DNAJC6: variants seen among roughly 807,000 people sequenced by gnomAD.
DNAJC6 encodes DnaJ heat shock protein family (Hsp40) member C6.
A neutral mutation model predicts 110.0 loss-of-function variants in DNAJC6; 34 were observed. That is an observed-to-expected ratio of 0.31 (90% CI 0.24 to 0.41). DNAJC6 has a LOEUF of 0.41. DNAJC6 is among the 10% of genes least tolerant of loss of function. The pLI is 1.00. For missense variants in DNAJC6, 1,031 were observed against 1,207.8 expected (o/e 0.85, Z 2.17); for synonymous variants, 406 against 437.2 (o/e 0.93, Z 0.89).
At position 65,288,690 on chromosome 1, in the gene DNAJC6, A is replaced by G. The variant is rs540104002; in HGVS notation, c.-131+23758A>G. On this transcript the variant is annotated intron_variant, in intron 1 of 19. Transcript: ENST00000263441. ...AGTTCCTGACAACCCTCCAACCTCTACTAAGAATAACTAATGACCCAATGT... is the reference window on the plus strand; with the variant it reads ...AGTTCCTGACAACCCTCCAACCTCTGCTAAGAATAACTAATGACCCAATGT... Among the ~76,000 whole-genome samples the G allele has an allele frequency of 3.1e-3, 474 of 152,288 alleles. 2 individuals are homozygous for G. Among genetic ancestry groups the G allele is most frequent in the Middle Eastern group, 0.017 (5 of 294 alleles).
rs556329931 is a variant in DNAJC6, at chr1:65,340,438, A to G, written c.194-24197A>G. On this transcript the variant is annotated intron_variant, in intron 1 of 18. Coordinates refer to ENST00000371069, the MANE Select transcript of DNAJC6 (RefSeq NM_001256864.2). ...GGCCCTTCCATAGCTATAGCCATCT[A>G]TGTGCTATTGGCGATTGCACTGAGA... Among the ~76,000 whole-genome samples, 5 of 152,280 alleles carry G rather than the reference A, an allele frequency of 3.3e-5. No individual in the cohort carries two copies. The South Asian group carries it at 1.0e-3, about 32-fold the overall frequency.
chr1:65,369,789 G>A (rs1645688147), intron 4 of DNAJC6, among the ~76,000 whole-genome samples: 1 of 152,142 alleles, frequency 6.6e-6, no homozygotes, highest in East Asian at 1.9e-4. Context: ...TTGTCATTCT[G>A]TATTTCGATT....
intron 1 of DNAJC6, among the ~76,000 whole-genome samples, chr1:65,327,498 A>G (rs532006109): frequency 5.9e-5 from 9 of 152,272 alleles, no homozygotes; most frequent in African/African-American, 9.6e-5. Context: ...TCTGTTTTAA[A>G]TAGAGAACTT....
chr1:65,341,303 T>TA (rs1289857065), intron 1 of DNAJC6, among the ~76,000 whole-genome samples: 1 of 152,182 alleles, frequency 6.6e-6, no homozygotes, highest in Non-Finnish European at 1.5e-5. Context: ...CACCTATTCT[T>TA]ACCATTCTGT....
At chr1:65,302,154 TTTA>T (rs1247903152) in intron 1 of DNAJC6, among the ~76,000 whole-genome samples, 1 of 142,336 alleles carries the variant, frequency 7.0e-6, no homozygotes, top group Non-Finnish European at 1.5e-5. Flanking sequence ...ATTATATATA[TTTA>T]TTATATATTA....
intron 1 of DNAJC6, among the ~76,000 whole-genome samples, chr1:65,272,762 A>T (rs1470982974): frequency 1.3e-5 from 2 of 151,152 alleles, no homozygotes; most frequent in Non-Finnish European, 3.0e-5. Flanking sequence ...CTGATCTTGA[A>T]CTCCTGACCT....
chr1:65,282,879 C>A (rs953490149), intron 1 of DNAJC6, among the ~76,000 whole-genome samples: 2 of 152,166 alleles, frequency 1.3e-5, no homozygotes, highest in Admixed American at 1.3e-4. Context: ...CACAATTATA[C>A]CTCCAGTGTT....
At chr1:65,317,382 A>G (rs1645157918) in intron 1 of DNAJC6, among the ~76,000 whole-genome samples, 1 of 152,228 alleles carries the variant, frequency 6.6e-6, no homozygotes, top group South Asian at 2.1e-4. Context: ...AAGTTCCATA[A>G]CATGTGCCAA....
At chr1:65,411,986 A>T (rs1297076389) in intron 18 of DNAJC6, among the ~76,000 whole-genome samples, 2 of 152,184 alleles carry the variant, frequency 1.3e-5, no homozygotes, top group Non-Finnish European at 2.9e-5. Flanking sequence ...AAAGAAAAGA[A>T]AAAGTAAATT....
chr1:65,378,941 A>G (rs1316048632), intron 4 of DNAJC6, among the ~76,000 whole-genome samples: 1 of 150,744 alleles, frequency 6.6e-6, no homozygotes. Context: ...ATTAAAAGAG[A>G]AAAAAAATAG....
intron 4 of DNAJC6, among the ~76,000 whole-genome samples, chr1:65,377,649 T>C (rs939154198): frequency 6.6e-6 from 1 of 152,066 alleles, no homozygotes; most frequent in African/African-American, 2.4e-5. Context: ...AGTTACAAAT[T>C]AACAAAAAAG....
At chr1:65,412,066 A>G (rs1557570078) in intron 18 of DNAJC6, among the ~76,000 whole-genome samples, 1 of 152,258 alleles carries the variant, frequency 6.6e-6, no homozygotes. Flanking sequence ...CTTTAGAGAT[A>G]CAGCAGTATA....
intron 1 of DNAJC6, among the ~76,000 whole-genome samples, chr1:65,292,871 C>A (rs557691598): frequency 6.6e-6 from 1 of 152,284 alleles, no homozygotes; most frequent in East Asian, 1.9e-4. Flanking sequence ...GGCAGTTCTT[C>A]CAGTCTGGGC....
chr1:65,368,953 G>A (rs1645679477), intron 4 of DNAJC6, among the ~76,000 whole-genome samples: 1 of 151,818 alleles, frequency 6.6e-6, no homozygotes, highest in South Asian at 2.1e-4. Flanking sequence ...TGTATATTTA[G>A]TAGAGACGAT....
chr1:65,387,445 G>C (rs1432681105), intron 8 of DNAJC6, among the ~76,000 whole-genome samples: 1 of 152,146 alleles, frequency 6.6e-6, no homozygotes, highest in Non-Finnish European at 1.5e-5. Context: ...ACCTATAGCA[G>C]TCACTTCCTA....
rs755684435 is a variant in DNAJC6, at chr1:65,395,008, A to G, written c.2014A>G (p.Arg672Gly). The G allele has an allele frequency of 2.0e-5, 33 of 1,611,432 alleles. No homozygotes were observed. Among genetic ancestry groups the G allele is most frequent in the African/African-American group, 2.7e-5 (2 of 74,700 alleles). ...CAGTGACCCCTTTCTCCAGCCAACA[A>G]GAAGTCCTTCGCCCACAGTACATGG... ...ASSDPFLQPT[R>G]SPSPTVHASS... The change falls in exon 13 of 19, where the codon AGA becomes GGA. Residue 672 changes from arginine to glycine, a missense_variant. Coordinates refer to ENST00000371069, the MANE Select transcript of DNAJC6 (RefSeq NM_001256864.2).
chr1:65,304,680 A>G (rs2101317826), upstream of DNAJC6, among the ~76,000 whole-genome samples: 1 of 152,278 alleles, frequency 6.6e-6, no homozygotes, highest in South Asian at 2.1e-4. Flanking sequence ...TTTCTTCTGG[A>G]CTGTGGCCTA....
At chr1:65,345,415 T>C (rs976552642) in intron 1 of DNAJC6, among the ~76,000 whole-genome samples, 28 of 152,122 alleles carry the variant, frequency 1.8e-4, no homozygotes, top group African/African-American at 6.3e-4. Flanking sequence ...GGGAGGAGGA[T>C]ATTATCTACC....
chr1:65,401,799 C>G lies in DNAJC6; in HGVS notation c.2146C>G (p.Pro716Ala). The change falls in exon 15 of 19, where the codon CCA (proline) becomes GCA (alanine). Residue 716 changes from proline (P) to alanine (A), a missense_variant. Coordinates refer to ENST00000371069, the MANE Select transcript of DNAJC6 (RefSeq NM_001256864.2). ...GGGAAGCAAGTCAGCTGCCACCAGC[C>G]CAACCGGATCCTCGCATGGTACTCC... ...GMGSKSAATS[P>A]TGSSHGTPTH... 1.2e-6 allele frequency: 2 copies of G among 1,613,782 alleles called. No homozygotes were observed. Among genetic ancestry groups the G allele is most frequent in the Non-Finnish European group, 1.7e-6 (2 of 1,179,926 alleles).
Sources: allele counts gnomAD v4.1 joint callset (sites outside exome capture counted in the v4.1 genomes callset), GRCh38; gene constraint gnomAD v4.1.1; transcripts MANE v1.5; gene names NCBI Gene and HGNC (gene_info 2026-07-23, HGNC 2026-07-21).